The following TRAK2 variants were observed in gnomAD, a reference collection of about 807,000 sequenced individuals.
The protein encoded by TRAK2 is trafficking kinesin protein 2, also known as trafficking kinesin-binding protein 2.
A neutral mutation model predicts 104.6 loss-of-function variants in TRAK2; 81 were observed. The observed-to-expected ratio is 0.77, with a 90% confidence interval of 0.65 to 0.93. The LOEUF (loss-of-function observed/expected upper bound fraction) is 0.93. TRAK2 is among the 40% of genes least tolerant of loss of function. TRAK2 has a pLI of 0.00. For missense variants in TRAK2, 1,002 were observed against 1,089.0 expected, an observed-to-expected ratio of 0.92 and a Z score of 1.12; for synonymous variants, 406 against 394.4, an observed-to-expected ratio of 1.03 and a Z score of -0.35.
intron 1 of TRAK2, among the ~76,000 whole-genome samples, chr2:201,436,062 A>G (rs1277884588): frequency 6.6e-6 from 1 of 152,158 alleles, no homozygotes. Flanking sequence ...AATAATTTAT[A>G]TTCCAGGATA....
In TRAK2 at chr2:201,407,536, T is replaced by C. The variant is rs1229413622; in HGVS notation, c.153A>G (p.Leu51=). The change falls in exon 3 of 16, where the codon CTA becomes CTG. Residue 51 remains leucine (L), a synonymous_variant. Coordinates refer to ENST00000332624, the MANE Select transcript of TRAK2 (RefSeq NM_015049.3). ...VELVSLLEEQ[L]PQYRLKVDTL... is the part of the protein sequence containing the mutation. ...TGTCTACTTTTAGCCTATACTGTGG[T>C]AGTTGTTCTTCTAGCAGACTCACCA... The C allele has an allele frequency of 6.2e-7, 1 of 1,614,078 alleles. No individual in the cohort carries two copies. Among genetic ancestry groups the C allele is most frequent in the South Asian group, 1.1e-5 (1 of 91,062 alleles).
At chr2:201,439,389 T>C (rs572440749) in intron 1 of TRAK2, among the ~76,000 whole-genome samples, 2 of 144,550 alleles carry the variant, frequency 1.4e-5, no homozygotes, top group African/African-American at 5.2e-5. Context: ...TCTTTAATAC[T>C]TTTTTTTTTT....
At position 201,380,232 on chromosome 2, in the gene TRAK2, GT is replaced by G. The variant is rs1951326204; in HGVS notation, c.*310del. ...GCCAGCAAGTTCAGTATCTCTGTAT[GT>G]TTTAGTATTACTGAATTTATTTGTA... On this transcript the variant is annotated 3_prime_UTR_variant, in exon 16 of 16. Transcript: ENST00000332624. 5.6e-6 allele frequency: 2 copies of G among 359,624 alleles called. No homozygotes were observed. Among genetic ancestry groups the G allele is most frequent in the Non-Finnish European group, 1.0e-5 (2 of 195,034 alleles). 22.3% of individuals were successfully genotyped at this position (359,624 alleles called of 1,614,324 possible). A position where few individuals can be genotyped will look rare whatever the true frequency, so the allele number is the denominator to read the frequency against.
At chr2:201,439,609 C>A (rs1489944942) in intron 1 of TRAK2, among the ~76,000 whole-genome samples, 9 of 151,672 alleles carry the variant, frequency 5.9e-5, no homozygotes, top group African/African-American at 2.2e-4. Flanking sequence ...CAGTGATATC[C>A]TCCAGGATTA....
intron 2 of TRAK2, among the ~76,000 whole-genome samples, chr2:201,408,372 T>C (rs894244489): frequency 2.0e-5 from 3 of 152,198 alleles, no homozygotes; most frequent in Non-Finnish European, 4.4e-5. Flanking sequence ...AGGTTTGTTA[T>C]GTAGGTAAAC....
intron 1 of TRAK2, among the ~76,000 whole-genome samples, chr2:201,425,714 C>G (rs1046492010): frequency 2.9e-5 from 3 of 102,066 alleles, no homozygotes; most frequent in African/African-American, 1.0e-4. Context: ...GAAAGCATTG[C>G]TTTTTTTTTT....
chr2:201,393,774 A>G (rs1333352204), intron 9 of TRAK2, among the ~76,000 whole-genome samples: 1 of 152,120 alleles, frequency 6.6e-6, no homozygotes, highest in African/African-American at 2.4e-5. Context: ...CTCCTACAAG[A>G]TATCACTCTG....
chr2:201,399,473 G>T lies in TRAK2; in HGVS notation c.384C>A (p.Leu128=), dbSNP rs1434500966. The change falls in exon 5 of 16, where the codon CTC becomes CTA. Residue 128 remains leucine (L), a synonymous_variant. Coordinates refer to ENST00000332624, the MANE Select transcript of TRAK2 (RefSeq NM_015049.3). ...AGAGAGCTTGTCCAATTCGAGCAGC[G>T]AGTTCCAGATCACGATCCCTCTGTT... ...LLAERDRDLE[L]AARIGQALLK... 1 of 1,612,444 alleles carries T rather than the reference G, an allele frequency of 6.2e-7. No individual in the cohort carries two copies. The highest frequency in any genetic ancestry group is 8.5e-7 in the Non-Finnish European group (1 of 1,178,760).
intron 1 of TRAK2, among the ~76,000 whole-genome samples, chr2:201,423,358 C>G (rs1951759656): frequency 6.6e-6 from 1 of 152,142 alleles, no homozygotes; most frequent in Admixed American, 6.5e-5. Context: ...GAAGCAGCCA[C>G]ATGATTCCAT....
rs1328378345 is a variant in TRAK2 at position 201,451,454 on chromosome 2, C to T, written c.-304G>A. The T allele has an allele frequency of 6.6e-6, 1 of 152,234 alleles. No individual in the cohort carries two copies. The highest frequency in any genetic ancestry group is 1.5e-5 in the Non-Finnish European group (1 of 68,040). 9.4% of individuals were successfully genotyped at this position (152,234 alleles called of 1,614,324 possible). A position where few individuals can be genotyped will look rare whatever the true frequency, so the allele number is the denominator to read the frequency against. On this transcript the variant is annotated 5_prime_UTR_variant, in exon 1 of 16. It adds an upstream start codon to the 5' untranslated region. Transcript: ENST00000332624. ...GCCGAAGCTGCTGCCGCTGCTCCCA[C>T]TGCCAGCAACCGCCCGGGCGTGGCA...
intron 1 of TRAK2, among the ~76,000 whole-genome samples, chr2:201,421,569 G>C (rs189159737): frequency 1.6e-5 from 2 of 124,548 alleles, no homozygotes; most frequent in African/African-American, 2.7e-5. Context: ...CCCCTGGGGT[G>C]GGGGGGGCAA....
chr2:201,425,464 C>A (rs972225350), intron 1 of TRAK2, among the ~76,000 whole-genome samples: 6 of 152,002 alleles, frequency 3.9e-5, no homozygotes, highest in Admixed American at 1.3e-4. Context: ...TGCAATGGTG[C>A]GATCTCGGCT....
chr2:201,407,563 C>A lies in TRAK2; in HGVS notation c.126G>T (p.Glu42Asp). Reference protein sequence around the residue: ...VCSNEDLPEVELVSLLEEQLP... With the variant: ...VCSNEDLPEVDLVSLLEEQLP... ...GTTGTTCTTCTAGCAGACTCACCAG[C>A]TCAACTTCAGGGAGATCCTCATTGG... Residue 42 changes from glutamate to aspartate, a missense_variant, in exon 3 of 16, where the codon GAG (glutamate) becomes GAT (aspartate). Coordinates refer to ENST00000332624, the MANE Select transcript of TRAK2 (RefSeq NM_015049.3). The A allele has an allele frequency of 6.2e-7, 1 of 1,613,792 alleles. No homozygotes were observed.
In TRAK2 at chr2:201,377,831, G is replaced by A. The variant is rs540230242; in HGVS notation, c.*2712C>T. 13 of 151,524 alleles carry A rather than the reference G, an allele frequency of 8.6e-5. No homozygotes were observed. Among genetic ancestry groups the A allele is most frequent in the African/African-American group, 3.2e-4 (13 of 41,138 alleles). The allele number at this position is 151,524 out of a possible 1,614,324, so 9.4% of individuals were successfully genotyped here. A position where few individuals can be genotyped will look rare whatever the true frequency, so the allele number is the denominator to read the frequency against. On this transcript the variant is annotated 3_prime_UTR_variant, in exon 16 of 16. Coordinates refer to ENST00000332624, the MANE Select transcript of TRAK2 (RefSeq NM_015049.3). ...AGATATTTCTCCTATTAGACAATAGGACACTCAGAAATACCTGAGGTATAA... is the reference window on the plus strand; with the variant it reads ...AGATATTTCTCCTATTAGACAATAGAACACTCAGAAATACCTGAGGTATAA...
At chr2:201,402,129 A>G (rs1048586771) in intron 3 of TRAK2, among the ~76,000 whole-genome samples, 2 of 152,064 alleles carry the variant, frequency 1.3e-5, no homozygotes, top group African/African-American at 4.8e-5. Flanking sequence ...ACTAAGCAAT[A>G]AAGTATTCGT....
rs1343954307 is a variant in TRAK2, at chr2:201,399,947, T to TA, written c.364-455dup. 4.6e-5 allele frequency among the ~76,000 whole-genome samples: 7 copies of TA among 152,118 alleles called. No individual in the cohort carries two copies. In the South Asian group the frequency reaches 1.2e-3, roughly 27 times the overall value. On this transcript the variant is annotated intron_variant, in intron 4 of 15. Transcript: ENST00000332624. The stretch of plus-strand genomic sequence containing the variant: ...TTAAGATATGGATCAGGTACGTATG[T>TA]AAAAAAAGAGTTCCATTTAGGGCAA...
chr2:201,392,970 C>A lies in TRAK2; in HGVS notation c.1052G>T (p.Arg351Leu), dbSNP rs755905371. 1 of 1,613,568 alleles carries A rather than the reference C, an allele frequency of 6.2e-7. No individual in the cohort carries two copies. Among genetic ancestry groups the A allele is most frequent in the Non-Finnish European group, 8.5e-7 (1 of 1,179,802 alleles). ...HESQEEIKEL[R>L]SRSGPTAHLY... ...ATGAGCAGTAGGGCCAGATCTACTA[C>A]GAAGTTCCTTTATTTCTTCTTGGGA... The change falls in exon 10 of 16, where the codon CGT (arginine) becomes CTT (leucine). Residue 351 changes from arginine to leucine, a missense_variant. Coordinates refer to ENST00000332624, the MANE Select transcript of TRAK2 (RefSeq NM_015049.3).
chr2:201,420,315 G>T, intron 2 of TRAK2, 102 bp downstream of exon 2: 1 of 919,814 alleles, frequency 1.1e-6, no homozygotes, highest in East Asian at 2.5e-5. Context: ...ACTAGAAAGG[G>T]AGGCTTGGGT....
intron 2 of TRAK2, chr2:201,410,449 T>C (rs1329365380): frequency 4.9e-6 from 3 of 617,234 alleles, no homozygotes; most frequent in Admixed American, 2.9e-5. Context: ...AACCATTCAC[T>C]GTCCCATAGA....
Sources: allele counts gnomAD v4.1 joint callset (sites outside exome capture counted in the v4.1 genomes callset), GRCh38; gene constraint gnomAD v4.1.1; transcripts MANE v1.5; gene names NCBI Gene and HGNC (gene_info 2026-07-23, HGNC 2026-07-21).